FUZ: variants seen among roughly 807,000 people sequenced by gnomAD.
The protein encoded by FUZ is protein fuzzy homolog.
FUZ carries 31 observed loss-of-function variants against 43.1 expected under a neutral mutation model. The ratio of observed to expected loss-of-function variants is 0.72; its 90% CI spans 0.54 to 0.97. FUZ has a LOEUF of 0.97. Ranked by LOEUF, FUZ falls within the 50% of genes least tolerant of loss-of-function variation. The pLI, the probability that FUZ is intolerant of heterozygous loss-of-function variation, is 0.00. For missense variants in FUZ, 539 were observed against 543.8 expected, an observed-to-expected ratio of 0.99 and a Z score of 0.09; for synonymous variants, 274 against 250.0, an observed-to-expected ratio of 1.10 and a Z score of -0.91.
chr19:49,807,472 C>G (rs1223208487), intron 10 of FUZ, 98 bp from the exon 11 acceptor site: 5 of 1,286,658 alleles, frequency 3.9e-6, no homozygotes, highest in Non-Finnish European at 5.5e-6. Flanking sequence ...CGTGGGGTCT[C>G]TGAACACAGG....
At chr19:49,812,391 T>A (rs2073835812) in intron 2 of FUZ, 56 bp from the exon 3 acceptor site, 1 of 1,483,512 alleles carries the variant, frequency 6.7e-7, no homozygotes. Flanking sequence ...GGAAGGGGTA[T>A]GTTGGAGTCC....
chr19:49,808,868 G>A, intron 7 of FUZ, 45 bp from the exon 8 acceptor site: 2 of 1,471,280 alleles, frequency 1.4e-6, no homozygotes, highest in Non-Finnish European at 1.8e-6. Flanking sequence ...GGAAGGCGGG[G>A]CCGGCGGGGG....
rs2073549982 is a variant in FUZ at position 49,808,637 on chromosome 19, G to A, written c.895C>T (p.Leu299=). 2 of 1,613,198 alleles carry A rather than the reference G, an allele frequency of 1.2e-6. No homozygotes were observed. Among genetic ancestry groups the A allele is most frequent in the Non-Finnish European group, 8.5e-7 (1 of 1,179,686 alleles). ...GFPLHTDILG[L]LLLHLELKRC... ...TTCAGTTCCAGGTGGAGGAGCAGCAGCCTGTGGGAAAGGGAAGGGAATGTC... is the reference window on the plus strand; with the variant it reads ...TTCAGTTCCAGGTGGAGGAGCAGCAACCTGTGGGAAAGGGAAGGGAATGTC... Residue 299 remains leucine, a splice_region_variant and synonymous_variant, in exon 9 of 11, where the codon CTG becomes TTG. Transcript: ENST00000313777.
rs538685017 is a variant in FUZ at position 49,807,305 on chromosome 19, A to G, written c.1103T>C (p.Val368Ala). The G allele has an allele frequency of 6.2e-7, 1 of 1,613,394 alleles. No homozygotes were observed. Among genetic ancestry groups the G allele is most frequent in the Non-Finnish European group, 8.5e-7 (1 of 1,179,944 alleles). ...TGTGCCTGGTTCCTCAGTCCCCAAC[A>G]CCAGGTAGCAAGCTCTGGGCAGCTG... Reference protein sequence around the residue: ...QAQLPRACYLVLGTEEPGTGV... With the variant: ...QAQLPRACYLALGTEEPGTGV... Residue 368 changes from valine to alanine, a missense_variant, in exon 11 of 11, where the codon GTG becomes GCG. By Grantham distance (64) the Val-to-Ala change is moderately conservative. Coordinates refer to ENST00000313777, the MANE Select transcript of FUZ (RefSeq NM_025129.5).
intron 10 of FUZ, among the ~76,000 whole-genome samples, chr19:49,807,928 G>A (rs1398223598): frequency 6.6e-6 from 1 of 152,204 alleles, no homozygotes; most frequent in East Asian, 1.9e-4. Context: ...AGAATCTTGT[G>A]AAATCCTCCT....
Position 49,807,300 on chromosome 19 carries a change from C to T in FUZ, c.1108G>A (p.Gly370Arg). 6.2e-7 allele frequency: 1 copy of T among 1,613,588 alleles called. No homozygotes were observed. Among genetic ancestry groups the T allele is most frequent in the Non-Finnish European group, 8.5e-7 (1 of 1,179,980 alleles). The change falls in exon 11 of 11, where the codon GGG (glycine) becomes AGG (arginine). Residue 370 changes from glycine to arginine, a missense_variant. Gly to Arg is a moderately radical substitution (Grantham distance 125). Transcript: ENST00000313777. ...QLPRACYLVL[G>R]TEEPGTGVRL... ...ACTCCTGTGCCTGGTTCCTCAGTCC[C>T]CAACACCAGGTAGCAAGCTCTGGGC...
intron 1 of FUZ, 106 bp from the exon 2 acceptor site, chr19:49,812,842 G>A: frequency 6.8e-7 from 1 of 1,480,520 alleles, no homozygotes; most frequent in Non-Finnish European, 9.4e-7. Flanking sequence ...ATATGACCTG[G>A]CAGTGCCTCT....
rs1201266280 is a variant in FUZ, at chr19:49,809,227, A to C, written c.722T>G (p.Leu241Arg). 1.3e-6 allele frequency: 2 copies of C among 1,551,074 alleles called. No individual in the cohort carries two copies. The part of the protein sequence containing the change: ...VPHRLLTLTL[L>R]PSLELCLLCG... ...GAGTAGACACAGCTCCAGGCTCGGC[A>C]GCAGAGTCAGGGTCAGGAGCCGGTG... Residue 241 changes from leucine (L) to arginine (R), a missense_variant, in exon 7 of 11, where the codon CTG becomes CGG. Coordinates refer to ENST00000313777, the MANE Select transcript of FUZ (RefSeq NM_025129.5). The surrounding 1 kb of genome is among the most constrained non-coding windows in gnomAD (Gnocchi z 5.1).
Position 49,809,590 on chromosome 19 carries a change from C to A in FUZ, c.493-15G>T. The A allele has an allele frequency of 6.3e-7, 1 of 1,580,098 alleles. No homozygotes were observed. Among genetic ancestry groups the A allele is most frequent in the Admixed American group, 1.8e-5 (1 of 56,546 alleles). ...GAGAGGGCTTCCTGGGTACGGGAGG[C>A]AGGAGGACTGGGAGTCAGCAGACAA... On this transcript the variant is annotated splice_polypyrimidine_tract_variant and intron_variant, in intron 5 of 10. Transcript: ENST00000313777. This position sits in a 1 kb window ranked among gnomAD's most constrained non-coding sequence, Gnocchi z 5.1.
chr19:49,808,309 C>T, intron 10 of FUZ, 105 bp downstream of exon 10: 3 of 1,179,546 alleles, frequency 2.5e-6, no homozygotes, highest in Non-Finnish European at 3.7e-6. Context: ...CCAGTGCATA[C>T]TGGGTTCCTC....
In FUZ at chr19:49,809,511, C is replaced by T. The variant is rs1265151040; in HGVS notation, c.557G>A (p.Arg186Gln). Reference protein sequence around the residue: ...TTFVSLVVSGRVVAATEGWWR... With the variant: ...TTFVSLVVSGQVVAATEGWWR... ...CCAACCCTCTGTTGCTGCCACCACC[C>T]GGCCGGACACCACCAGACTGACGAA... The change falls in exon 6 of 11, where the codon CGG becomes CAG. Residue 186 changes from arginine (R) to glutamine (Q), a missense_variant. Arg to Gln is a conservative substitution (Grantham distance 43, BLOSUM62 1). Coordinates refer to ENST00000313777, the MANE Select transcript of FUZ (RefSeq NM_025129.5). This position sits in a 1 kb window ranked among gnomAD's most constrained non-coding sequence, Gnocchi z 5.1. The T allele has an allele frequency of 9.4e-6, 15 of 1,597,408 alleles. No homozygotes were observed.
rs2073670620 is a variant in FUZ, at chr19:49,809,806, G to C, written c.493-231C>G. Reference sequence around the variant, plus strand: ...TGAAATCTGATTAAACATCTAGCCTGGGCGGGCAAACTGAAGCTAATAATG... The same window carrying C: ...TGAAATCTGATTAAACATCTAGCCTCGGCGGGCAAACTGAAGCTAATAATG... On this transcript the variant is annotated intron_variant, in intron 5 of 10. Coordinates refer to ENST00000313777, the MANE Select transcript of FUZ (RefSeq NM_025129.5). This position sits in a 1 kb window ranked among gnomAD's most constrained non-coding sequence, Gnocchi z 5.1. 1 of 597,412 alleles carries C rather than the reference G, an allele frequency of 1.7e-6. No individual in the cohort carries two copies. Among genetic ancestry groups the C allele is most frequent in the Non-Finnish European group, 3.0e-6 (1 of 334,442 alleles). The allele number at this position is 597,412 out of a possible 1,614,324, so 37.0% of individuals were successfully genotyped here.
intron 1 of FUZ, 42 bp from the exon 2 acceptor site, chr19:49,812,778 TC>T: frequency 6.2e-7 from 1 of 1,607,930 alleles, no homozygotes; most frequent in Non-Finnish European, 8.5e-7. Flanking sequence ...CACCCCCCCA[TC>T]CCCTTCCCCC....
chr19:49,809,223 C>T lies in FUZ; in HGVS notation c.726G>A (p.Pro242=). 1 of 1,551,160 alleles carries T rather than the reference C, an allele frequency of 6.4e-7. No individual in the cohort carries two copies. Among genetic ancestry groups the T allele is most frequent in the Admixed American group, 2.0e-5 (1 of 51,000 alleles). Residue 242 remains proline, a synonymous_variant, in exon 7 of 11, where the codon CCG becomes CCA. Coordinates refer to ENST00000313777, the MANE Select transcript of FUZ (RefSeq NM_025129.5). This position sits in a 1 kb window ranked among gnomAD's most constrained non-coding sequence, Gnocchi z 5.1. ...PHRLLTLTLL[P]SLELCLLCGP... is the part of the protein sequence containing the mutation. ...CGCAGAGTAGACACAGCTCCAGGCT[C>T]GGCAGCAGAGTCAGGGTCAGGAGCC...
At position 49,813,154 on chromosome 19, in the gene FUZ, C is replaced by A. The variant is rs1270838306; in HGVS notation, c.-48G>T. 2.7e-6 allele frequency: 4 copies of A among 1,468,094 alleles called. No individual in the cohort carries two copies. Among genetic ancestry groups the A allele is most frequent in the Non-Finnish European group, 2.8e-6 (3 of 1,071,770 alleles). 90.9% of individuals were successfully genotyped at this position (1,468,094 alleles called of 1,614,324 possible). A position where few individuals can be genotyped will look rare whatever the true frequency, so the allele number is the denominator to read the frequency against. On this transcript the variant is annotated 5_prime_UTR_variant, in exon 1 of 11. Coordinates refer to ENST00000313777, the MANE Select transcript of FUZ (RefSeq NM_025129.5). ...TCACGTGGGGACTGTCAGTGCGGGTCTTGGAGCATGGCGGTAATCAGAGTA... is the reference window on the plus strand; with the variant it reads ...TCACGTGGGGACTGTCAGTGCGGGTATTGGAGCATGGCGGTAATCAGAGTA...
At chr19:49,807,704 C>T (rs761049363) in intron 10 of FUZ, among the ~76,000 whole-genome samples, 2 of 152,122 alleles carry the variant, frequency 1.3e-5, no homozygotes, top group African/African-American at 2.4e-5. Flanking sequence ...GGAGCCCACC[C>T]GCCCCACTGT....
chr19:49,809,060 G>A lies in FUZ; in HGVS notation c.786+103C>T. 1 of 1,161,984 alleles carries A rather than the reference G, an allele frequency of 8.6e-7. No individual in the cohort carries two copies. Among genetic ancestry groups the A allele is most frequent in the Non-Finnish European group, 1.3e-6 (1 of 794,468 alleles). 72.0% of individuals were successfully genotyped at this position (1,161,984 alleles called of 1,614,324 possible). On this transcript the variant is annotated intron_variant, in intron 7 of 10. Coordinates refer to ENST00000313777, the MANE Select transcript of FUZ (RefSeq NM_025129.5). This position sits in a 1 kb window ranked among gnomAD's most constrained non-coding sequence, Gnocchi z 5.1. Reference sequence around the variant, plus strand: ...ATGACTGGAGCGCAGTCCAGAAGAGGCGGGGCTGGGGAAAGATGCCGCTGG... The same window carrying A: ...ATGACTGGAGCGCAGTCCAGAAGAGACGGGGCTGGGGAAAGATGCCGCTGG...
Position 49,812,234 on chromosome 19 carries a change from G to C in FUZ, c.318+17C>G. Reference sequence around the variant, plus strand: ...AGATTCCTGGTCTGGGGAGAAAAGAGGACTGGTGAGTCTCACCATGGCTCC... The same window carrying C: ...AGATTCCTGGTCTGGGGAGAAAAGACGACTGGTGAGTCTCACCATGGCTCC... On this transcript the variant is annotated intron_variant, in intron 3 of 10. Transcript: ENST00000313777. 6.3e-7 allele frequency: 1 copy of C among 1,591,866 alleles called. No individual in the cohort carries two copies. Among genetic ancestry groups the C allele is most frequent in the Non-Finnish European group, 8.6e-7 (1 of 1,161,048 alleles).
Position 49,809,181 on chromosome 19 carries a change from G to T in FUZ, c.768C>A (p.Leu256=). 6.4e-7 allele frequency: 1 copy of T among 1,551,918 alleles called. No individual in the cohort carries two copies. The highest frequency in any genetic ancestry group is 2.4e-5 in the East Asian group (1 of 41,108). Residue 256 remains leucine, a synonymous_variant, in exon 7 of 11, where the codon CTC becomes CTA. Coordinates refer to ENST00000313777, the MANE Select transcript of FUZ (RefSeq NM_025129.5). This position sits in a 1 kb window ranked among gnomAD's most constrained non-coding sequence, Gnocchi z 5.1. ...LCLLCGPSPP[L]SQLYPQLLER... is the part of the protein sequence containing the mutation. ...GGTTCACCTGTGGATACAACTGGCT[G>T]AGGGGTGGGCTCGGCCCGCAGAGTA...
Sources: gnomAD v4.1 joint callset for allele counts (sites outside exome capture counted in the v4.1 genomes callset) on GRCh38, gnomAD v4.1.1 for gene constraint, Gnocchi (gnomAD v3.1) non-coding constraint, MANE v1.5 for transcripts, NCBI Gene and HGNC (gene_info 2026-07-23, HGNC 2026-07-21) for gene names.